The following MYO16 variants were observed in gnomAD, a reference collection of about 807,000 sequenced individuals.
MYO16 encodes the protein unconventional myosin-XVI.
In MYO16, 94 loss-of-function variants were observed where a neutral mutation model predicts 205.3. That is an observed-to-expected ratio of 0.46 (90% CI 0.39 to 0.54). MYO16 has a LOEUF of 0.54. Ranked by LOEUF, MYO16 falls within the 20% of genes least tolerant of loss-of-function variation. The pLI is 0.00. For synonymous variants in MYO16, 988 were observed against 954.0 expected (o/e 1.04, Z -0.66); for missense variants, 2,315 against 2,387.5 (o/e 0.97, Z 0.63).
chr13:109,020,389 A>G lies in MYO16; in HGVS notation c.2796+478A>G, dbSNP rs923024669. Among the ~76,000 whole-genome samples, 3 of 152,160 alleles carry G rather than the reference A, an allele frequency of 2.0e-5. No individual in the cohort carries two copies. The East Asian group carries it at 5.8e-4, about 29-fold the overall frequency. ...ACATGCTTCTTACTTCAACACCTTC[A>G]AGGACTTCCTCTTACTTGTATAAAA... On this transcript the variant is annotated intron_variant, in intron 23 of 34. Transcript: ENST00000457511.
At chr13:108,567,397 T>G in the MYO16 span, among the ~76,000 whole-genome samples, 168 of 152,152 alleles carry the variant, frequency 1.1e-3, no homozygotes, top group Non-Finnish European at 2.1e-3. Flanking sequence ...GGAGAATGAC[T>G]TTGTTAGCCC....
At chr13:109,177,180 G>A (rs937126403) in intron 33 of MYO16, among the ~76,000 whole-genome samples, 2 of 152,070 alleles carry the variant, frequency 1.3e-5, no homozygotes, top group African/African-American at 4.8e-5. Flanking sequence ...GTTTACTCTA[G>A]TCCGTTCCAT....
chr13:109,195,007 A>G (rs1880088898), intron 34 of MYO16, among the ~76,000 whole-genome samples: 1 of 152,048 alleles, frequency 6.6e-6, no homozygotes, highest in Non-Finnish European at 1.5e-5. Flanking sequence ...ATTTTTACTC[A>G]TAACTATGTG....
chr13:109,028,117 G>A (rs277821), intron 23 of MYO16, among the ~76,000 whole-genome samples: 2,383 of 151,964 alleles, frequency 0.016, 73 homozygotes, highest in African/African-American at 0.055. Context: ...TGATAGGAAA[G>A]GTACAACCAC....
intron 1 of MYO16, among the ~76,000 whole-genome samples, chr13:108,631,050 T>A (rs1413687551): frequency 6.6e-6 from 1 of 152,238 alleles, no homozygotes; most frequent in Non-Finnish European, 1.5e-5. Context: ...GCAGCGTATT[T>A]AAGAATTTTG....
chr13:108,943,093 T>A (rs1882794556), intron 16 of MYO16, among the ~76,000 whole-genome samples: 1 of 152,212 alleles, frequency 6.6e-6, no homozygotes, highest in Non-Finnish European at 1.5e-5. Context: ...ATGATAAGAA[T>A]GTCCATCTAA....
At chr13:108,865,985 TATTTA>T (rs1878692921) in intron 11 of MYO16, among the ~76,000 whole-genome samples, 187 bp from the exon 12 acceptor site, 1 of 152,124 alleles carries the variant, frequency 6.6e-6, no homozygotes, top group Admixed American at 6.5e-5. Context: ...TAATTTGAAT[TATTTA>T]ATTCATTTAA....
chr13:109,107,719 G>T (rs1405890540), intron 28 of MYO16, among the ~76,000 whole-genome samples: 1 of 150,934 alleles, frequency 6.6e-6, no homozygotes, highest in Non-Finnish European at 1.5e-5. Context: ...CTCCTTCTCT[G>T]GAATTATAAA....
At chr13:108,699,377 T>C (rs1318198889) in intron 2 of MYO16, among the ~76,000 whole-genome samples, 1 of 152,152 alleles carries the variant, frequency 6.6e-6, no homozygotes, top group African/African-American at 2.4e-5. Flanking sequence ...AGTAGTTATG[T>C]CAGTTCTTTT....
intron 4 of MYO16, among the ~76,000 whole-genome samples, chr13:108,779,210 C>A (rs981925596): frequency 1.3e-5 from 2 of 152,196 alleles, no homozygotes; most frequent in Non-Finnish European, 2.9e-5. Context: ...GCTAACGACA[C>A]CCCTCACCAA....
chr13:108,738,729 C>G (rs1373786964), intron 4 of MYO16, among the ~76,000 whole-genome samples: 3 of 152,188 alleles, frequency 2.0e-5, no homozygotes, highest in Non-Finnish European at 4.4e-5. Context: ...GTAATATTGA[C>G]AGTGGGGTAT....
chr13:109,150,861 C>G (rs1417766305), intron 32 of MYO16, among the ~76,000 whole-genome samples: 1 of 152,224 alleles, frequency 6.6e-6, no homozygotes, highest in African/African-American at 2.4e-5. Flanking sequence ...AAATCCAGCC[C>G]TTTATCCTCT....
intron 13 of MYO16, among the ~76,000 whole-genome samples, chr13:108,885,399 T>A (rs920079729): frequency 6.6e-6 from 1 of 151,572 alleles, no homozygotes; most frequent in African/African-American, 2.4e-5. Flanking sequence ...GGATTACAGG[T>A]GTGAGCTACT....
At chr13:108,908,985 A>C (rs1374284359) in intron 15 of MYO16, among the ~76,000 whole-genome samples, 1 of 146,854 alleles carries the variant, frequency 6.8e-6, no homozygotes, top group Non-Finnish European at 1.5e-5. Context: ...AAAAAATAAA[A>C]TAAAATAAAT....
At chr13:108,827,632 A>G (rs1397564264) in intron 9 of MYO16, among the ~76,000 whole-genome samples, 1 of 152,140 alleles carries the variant, frequency 6.6e-6, no homozygotes, top group Middle Eastern at 3.2e-3. Flanking sequence ...CACCTGTAAC[A>G]TTCTGTATCT....
At chr13:109,003,065 A>G (rs1328575802) in intron 21 of MYO16, among the ~76,000 whole-genome samples, 2 of 152,226 alleles carry the variant, frequency 1.3e-5, no homozygotes, top group Non-Finnish European at 2.9e-5. Context: ...GCAAACTTTA[A>G]GTAAAACATT....
intron 4 of MYO16, among the ~76,000 whole-genome samples, chr13:108,769,701 G>A (rs1885899078): frequency 1.3e-5 from 2 of 152,114 alleles, no homozygotes; most frequent in African/African-American, 2.4e-5. Context: ...TGGTGAGAAT[G>A]GTCAGGTATG....
intron 11 of MYO16, among the ~76,000 whole-genome samples, chr13:108,865,037 T>TAA (rs1878637725): frequency 6.6e-6 from 1 of 152,192 alleles, no homozygotes; most frequent in Non-Finnish European, 1.5e-5. Flanking sequence ...AGTTTTCTGG[T>TAA]GGGTGACATT....
At chr13:108,950,616 C>T (rs1052117322) in intron 16 of MYO16, among the ~76,000 whole-genome samples, 92 of 152,238 alleles carry the variant, frequency 6.0e-4, no homozygotes, top group African/African-American at 2.1e-3. Flanking sequence ...AGTGTACAGC[C>T]GTGCTAGAAA....
Sources: gnomAD v4.1 joint callset for allele counts (sites outside exome capture counted in the v4.1 genomes callset) on GRCh38, gnomAD v4.1.1 for gene constraint, MANE v1.5 for transcripts, NCBI Gene and HGNC (gene_info 2026-07-23, HGNC 2026-07-21) for gene names.